The following SLC14A2 variants were observed in gnomAD, a reference collection of about 807,000 sequenced individuals.
The protein encoded by SLC14A2 is urea transporter 2.
In SLC14A2, 91 loss-of-function variants were observed where a neutral mutation model predicts 104.6. The observed-to-expected ratio is 0.87, with a 90% CI of 0.73 to 1.04. SLC14A2 has a LOEUF of 1.04. Among genes scored for constraint, SLC14A2 ranks in the 50% least tolerant of loss-of-function variants. The pLI is 0.00. For missense variants in SLC14A2, 1,189 were observed against 1,156.0 expected (o/e 1.03, Z -0.41); for synonymous variants, 476 against 466.4 (o/e 1.02, Z -0.27).
chr18:45,619,762 CT>C (rs957013347), intron 1 of SLC14A2, among the ~76,000 whole-genome samples: 18 of 152,122 alleles, frequency 1.2e-4, no homozygotes, highest in African/African-American at 4.1e-4. Context: ...CTTATGGAAA[CT>C]TTTGAAAGCT....
chr18:45,171,865 T>C, the SLC14A2 span, among the ~76,000 whole-genome samples: 1 of 152,152 alleles, frequency 6.6e-6, no homozygotes, highest in South Asian at 2.1e-4. Context: ...ATTTTGGAAA[T>C]CTTTCTTGGG....
intron 1 of SLC14A2, among the ~76,000 whole-genome samples, chr18:45,377,832 G>A (rs1440732249): frequency 6.6e-6 from 1 of 151,948 alleles, no homozygotes; most frequent in Non-Finnish European, 1.5e-5. Flanking sequence ...TGAACCCTTG[G>A]TCTGGTCATC....
chr18:45,435,574 T>C (rs2086583287), intron 1 of SLC14A2, among the ~76,000 whole-genome samples: 1 of 152,208 alleles, frequency 6.6e-6, no homozygotes, highest in African/African-American at 2.4e-5. Context: ...CTGCTGTTCT[T>C]ATTTTTACAC....
the SLC14A2 span, among the ~76,000 whole-genome samples, chr18:45,191,306 A>G: frequency 3.3e-5 from 5 of 152,174 alleles, no homozygotes; most frequent in African/African-American, 1.2e-4. Context: ...TGGATTGTGT[A>G]AGAAAATAAA....
chr18:45,676,993 T>C (rs777165392), intron 18 of SLC14A2, among the ~76,000 whole-genome samples: 2 of 152,188 alleles, frequency 1.3e-5, no homozygotes, highest in Non-Finnish European at 2.9e-5. Flanking sequence ...CAGTGATGGA[T>C]AAGACAGGCC....
At chr18:45,592,560 G>A (rs1455231389) in intron 2 of SLC14A2, among the ~76,000 whole-genome samples, 4 of 152,232 alleles carry the variant, frequency 2.6e-5, no homozygotes, top group African/African-American at 9.6e-5. Flanking sequence ...CTAGAAGGCA[G>A]TGGTCTAGTC....
intron 1 of SLC14A2, among the ~76,000 whole-genome samples, chr18:45,617,814 C>A (rs78145015): frequency 6.6e-6 from 1 of 152,002 alleles, no homozygotes; most frequent in Admixed American, 6.6e-5. Flanking sequence ...TCCCAGGGAC[C>A]CAGCCTGACT....
chr18:45,423,527 C>T (rs1169265074), intron 1 of SLC14A2, among the ~76,000 whole-genome samples: 5 of 152,210 alleles, frequency 3.3e-5, no homozygotes, highest in East Asian at 1.9e-4. Flanking sequence ...CCAGAGGGTT[C>T]CTTAGTGAGC....
At chr18:45,609,133 G>A (rs1043749260) in intron 2 of SLC14A2, among the ~76,000 whole-genome samples, 2 of 152,138 alleles carry the variant, frequency 1.3e-5, no homozygotes, top group African/African-American at 4.8e-5. Flanking sequence ...TGGCTCAGGA[G>A]CATCCATCTG....
intron 1 of SLC14A2, among the ~76,000 whole-genome samples, chr18:45,449,084 G>A (rs978574027): frequency 5.3e-5 from 8 of 152,178 alleles, no homozygotes; most frequent in African/African-American, 1.9e-4. Flanking sequence ...ACTCAAGAGT[G>A]GGATTTAACT....
intron 1 of SLC14A2, among the ~76,000 whole-genome samples, chr18:45,310,867 C>A (rs2085071517): frequency 6.6e-6 from 1 of 152,174 alleles, no homozygotes; most frequent in Admixed American, 6.5e-5. Flanking sequence ...GTTACTAGAG[C>A]AGTTCCTTAG....
intron 2 of SLC14A2, among the ~76,000 whole-genome samples, chr18:45,574,551 AAC>A (rs1164184529): frequency 6.6e-6 from 1 of 152,178 alleles, no homozygotes; most frequent in Non-Finnish European, 1.5e-5. Context: ...ATAGACCAAC[AAC>A]ACACACTGCC....
chr18:45,436,926 T>G (rs1177602371), intron 1 of SLC14A2, among the ~76,000 whole-genome samples: 1 of 152,118 alleles, frequency 6.6e-6, no homozygotes, highest in Admixed American at 6.5e-5. Context: ...GATTCAAATG[T>G]CAAAGGAAGA....
intron 1 of SLC14A2, among the ~76,000 whole-genome samples, chr18:45,304,846 G>A (rs139556058): frequency 4.9e-4 from 75 of 152,302 alleles, no homozygotes; most frequent in Middle Eastern, 3.4e-3. Context: ...AACCCTCTCC[G>A]AGTGAAAGCC....
rs1264368163 is a variant in SLC14A2, at chr18:45,627,158, C to T, written c.521+11C>T. On this transcript the variant is annotated intron_variant, in intron 4 of 19. Coordinates refer to ENST00000255226, the MANE Select transcript of SLC14A2 (RefSeq NM_007163.4). ...CTTGGGCCAAGACAGGTGGGTCCCT[C>T]TCTATAGGGATTTTAGCAAGATGTG... 2.5e-6 allele frequency: 4 copies of T among 1,611,454 alleles called. No homozygotes were observed. Among genetic ancestry groups the T allele is most frequent in the Non-Finnish European group, 3.4e-6 (4 of 1,177,896 alleles).
At chr18:45,325,108 C>T (rs2085221863) in intron 1 of SLC14A2, among the ~76,000 whole-genome samples, 3 of 152,272 alleles carry the variant, frequency 2.0e-5, no homozygotes, top group South Asian at 4.1e-4. Context: ...TGTCAGCCTC[C>T]ACTTGCTCTT....
intron 1 of SLC14A2, among the ~76,000 whole-genome samples, chr18:45,364,548 G>T (rs1335761964): frequency 6.6e-6 from 1 of 152,202 alleles, no homozygotes; most frequent in Non-Finnish European, 1.5e-5. Context: ...GCATGTATAT[G>T]TGTGTATACA....
chr18:45,182,186 A>T, the SLC14A2 span, among the ~76,000 whole-genome samples: 1 of 152,102 alleles, frequency 6.6e-6, no homozygotes, highest in South Asian at 2.1e-4. Context: ...ATGAATTATG[A>T]AATAGGAAAA....
At chr18:45,358,944 C>A (rs1265834743) in intron 1 of SLC14A2, among the ~76,000 whole-genome samples, 2 of 152,194 alleles carry the variant, frequency 1.3e-5, no homozygotes, top group African/African-American at 4.8e-5. Flanking sequence ...GGAAGGTGAA[C>A]TTTGAATATC....
Sources: gnomAD v4.1 joint callset for allele counts (sites outside exome capture counted in the v4.1 genomes callset) on GRCh38, gnomAD v4.1.1 for gene constraint, MANE v1.5 for transcripts, NCBI Gene and HGNC (gene_info 2026-07-23, HGNC 2026-07-21) for gene names.